Variants in HUNK observed in about 807,000 individuals in gnomAD.
HUNK encodes the protein hormonally up-regulated Neu-associated kinase.
In HUNK, 21 loss-of-function variants were observed where a neutral mutation model predicts 61.0. That is an observed-to-expected ratio of 0.34 (90% confidence interval 0.24 to 0.50). The LOEUF (loss-of-function observed/expected upper bound fraction) is 0.50. Ranked by LOEUF, HUNK falls within the 20% of genes least tolerant of loss-of-function variation. The pLI, the probability that HUNK is intolerant of heterozygous loss-of-function variation, is 0.98. For missense variants in HUNK, 772 were observed against 945.7 expected, an observed-to-expected ratio of 0.82 and a Z score of 2.41; for synonymous variants, 371 against 386.1, an observed-to-expected ratio of 0.96 and a Z score of 0.46.
intron 9 of HUNK, among the ~76,000 whole-genome samples, chr21:31,991,009 C>G (rs1048083013): frequency 6.6e-6 from 1 of 152,208 alleles, no homozygotes; most frequent in African/African-American, 2.4e-5. Flanking sequence ...CCATCCTTAT[C>G]CAGAATTAAA....
chr21:31,967,566 A>C (rs2052975758), intron 5 of HUNK, among the ~76,000 whole-genome samples: 1 of 152,070 alleles, frequency 6.6e-6, no homozygotes. Flanking sequence ...CAGGGCATTT[A>C]AAACATTATT....
intron 8 of HUNK, among the ~76,000 whole-genome samples, chr21:31,986,190 CAG>C (rs1468898003): frequency 2.0e-5 from 3 of 152,030 alleles, no homozygotes; most frequent in Non-Finnish European, 4.4e-5. Context: ...CGCTCTGAAC[CAG>C]ACTCTCCCCC....
chr21:31,983,882 T>C (rs1428734908), intron 8 of HUNK, among the ~76,000 whole-genome samples: 1 of 152,194 alleles, frequency 6.6e-6, no homozygotes, highest in African/African-American at 2.4e-5. Flanking sequence ...CCATTGAATC[T>C]TGGGAGGTGA....
chr21:31,887,426 C>G (rs559484776), intron 1 of HUNK, among the ~76,000 whole-genome samples: 1 of 152,198 alleles, frequency 6.6e-6, no homozygotes, highest in East Asian at 1.9e-4. Context: ...AAGCCACATT[C>G]CTGCCAAAAC....
intron 1 of HUNK, among the ~76,000 whole-genome samples, chr21:31,923,553 AGAAG>A (rs1330886959): frequency 1.7e-4 from 21 of 126,656 alleles, no homozygotes; most frequent in South Asian, 6.1e-4. Context: ...AAGGAAGGAA[AGAAG>A]GAAGGAAGGA....
intron 1 of HUNK, among the ~76,000 whole-genome samples, chr21:31,874,779 A>G (rs2052247610): frequency 6.6e-6 from 1 of 152,122 alleles, no homozygotes; most frequent in Non-Finnish European, 1.5e-5. Flanking sequence ...AAGAGGGGAA[A>G]GGAAAGGGGA....
intron 1 of HUNK, among the ~76,000 whole-genome samples, chr21:31,919,062 T>A: frequency 9.8e-6 from 1 of 101,870 alleles, no homozygotes; most frequent in Non-Finnish European, 1.8e-5. Context: ...CTGAGCGGTA[T>A]GAGGATGAGG....
chr21:31,946,055 C>T lies in HUNK; in HGVS notation c.630C>T (p.Cys210=), dbSNP rs1448815013. Residue 210 remains cysteine, a synonymous_variant, in exon 4 of 11, where the codon TGC becomes TGT. Transcript: ENST00000270112. ...IKLIDFGLSN[C]AGILGYSDPF... is the part of the protein sequence containing the mutation. The stretch of plus-strand genomic sequence containing the variant: ...TTGCAGACTTTGGTTTGAGCAACTG[C>T]GCAGGGATCCTGGGTTACTCGGATC... The T allele has an allele frequency of 5.6e-6, 9 of 1,605,212 alleles. No individual in the cohort carries two copies. The highest frequency in any genetic ancestry group is 6.8e-6 in the Non-Finnish European group (8 of 1,172,972).
chr21:31,887,972 T>C (rs2052359147), intron 1 of HUNK, among the ~76,000 whole-genome samples: 1 of 152,088 alleles, frequency 6.6e-6, no homozygotes, highest in South Asian at 2.1e-4. Context: ...ATAATGAACA[T>C]TTGTGGATCT....
chr21:31,906,710 G>A (rs986354509), intron 1 of HUNK, among the ~76,000 whole-genome samples: 1 of 152,100 alleles, frequency 6.6e-6, no homozygotes. Context: ...GATTACAGGT[G>A]TAAGCCACTG....
intron 4 of HUNK, among the ~76,000 whole-genome samples, chr21:31,958,544 T>C (rs2052905284): frequency 6.6e-6 from 1 of 152,022 alleles, no homozygotes; most frequent in Non-Finnish European, 1.5e-5. Flanking sequence ...AGCGAGATAG[T>C]GGTCCAGGCT....
In HUNK at chr21:31,998,754, A is replaced by G. The variant is rs747654675; in HGVS notation, c.1715A>G (p.Glu572Gly). ...FESVDRDDHV[E>G]VLSPSHHYRI... ...TCTGTGGATCGCGACGACCACGTAG[A>G]AGTGCTGTCTCCCTCTCATCACTAC... The change falls in exon 11 of 11, where the codon GAA becomes GGA. Residue 572 changes from glutamate to glycine, a missense_variant. Physicochemically the swap from Glu to Gly is moderately conservative, Grantham distance 98. Around this residue, in one of 2 missense-constraint regions of HUNK, gnomAD observed 413 missense variants for 444.4 expected, o/e 0.93. Coordinates refer to ENST00000270112, the MANE Select transcript of HUNK (RefSeq NM_014586.2). The G allele has an allele frequency of 5.6e-6, 9 of 1,614,008 alleles. No homozygotes were observed. In the African/African-American group the frequency reaches 1.1e-4, roughly 19 times the overall value.
chr21:31,946,261 T>C (rs532936809), intron 4 of HUNK, 90 bp downstream of exon 4: 5 of 1,325,728 alleles, frequency 3.8e-6, no homozygotes, highest in South Asian at 1.4e-5. Flanking sequence ...TTGGATGGCA[T>C]GTATAGGTGA....
At chr21:31,993,692 T>C (rs1238379515) in intron 9 of HUNK, among the ~76,000 whole-genome samples, 1 of 152,204 alleles carries the variant, frequency 6.6e-6, no homozygotes, top group Non-Finnish European at 1.5e-5. Context: ...AAGCTTGTTC[T>C]CCTTTGCCTT....
intron 1 of HUNK, among the ~76,000 whole-genome samples, chr21:31,904,587 T>C (rs1261597418): frequency 6.6e-6 from 1 of 152,172 alleles, no homozygotes; most frequent in African/African-American, 2.4e-5. Flanking sequence ...TGTCTTGGGA[T>C]TGTTGGCGTT....
Position 31,968,133 on chromosome 21 carries a change from C to T in HUNK, c.875-117C>T, listed in dbSNP as rs1739456843. ...GCCCAGAGACCTAGAGAAGAGATCA[C>T]CCCAGCAGTGACTCGGGATGGGCAG... On this transcript the variant is annotated intron_variant, in intron 5 of 10. Transcript: ENST00000270112. 4 of 1,258,224 alleles carry T rather than the reference C, an allele frequency of 3.2e-6. No homozygotes were observed. The South Asian group carries it at 4.0e-5, about 13-fold the overall frequency. The allele number at this position is 1,258,224 out of a possible 1,614,324, so 77.9% of individuals were successfully genotyped here.
At chr21:31,947,370 C>T (rs2052815059) in intron 4 of HUNK, among the ~76,000 whole-genome samples, 1 of 146,358 alleles carries the variant, frequency 6.8e-6, no homozygotes, top group Non-Finnish European at 1.5e-5. Flanking sequence ...AGTCTCAAGC[C>T]AGTGGCGCCT....
chr21:31,909,864 T>A (rs997117876), intron 1 of HUNK, among the ~76,000 whole-genome samples: 2 of 152,208 alleles, frequency 1.3e-5, no homozygotes, highest in African/African-American at 2.4e-5. Flanking sequence ...TGAAACCAAT[T>A]TATTTTCAAA....
intron 4 of HUNK, among the ~76,000 whole-genome samples, chr21:31,948,953 G>C (rs557425934): frequency 2.0e-5 from 3 of 152,342 alleles, no homozygotes; most frequent in Middle Eastern, 3.4e-3. Flanking sequence ...CAGCGAGGAG[G>C]TGAAACACGT....
Sources: allele counts gnomAD v4.1 joint callset (sites outside exome capture counted in the v4.1 genomes callset), GRCh38; gene constraint gnomAD v4.1.1; regional missense constraint gnomAD v4.1.1; transcripts MANE v1.5; gene names NCBI Gene and HGNC (gene_info 2026-07-23, HGNC 2026-07-21).